The following AFF3 variants were observed in gnomAD, a reference collection of about 807,000 sequenced individuals.
AFF3 encodes the protein AF4/FMR2 family member 3.
Under a neutral mutation model 129.7 loss-of-function variants are expected in AFF3, and 32 were observed. The observed-to-expected ratio is 0.25, with a 90% CI of 0.19 to 0.33. The LOEUF (loss-of-function observed/expected upper bound fraction) is 0.33. Among genes scored for constraint, AFF3 ranks in the 10% least tolerant of loss-of-function variants. The pLI is 1.00. For synonymous variants in AFF3, 644 were observed against 635.4 expected (o/e 1.01, Z -0.20); for missense variants, 1,373 against 1,592.0 (o/e 0.86, Z 2.34).
chr2:99,750,902 T>C (rs534330624), intron 9 of AFF3, among the ~76,000 whole-genome samples: 4 of 152,198 alleles, frequency 2.6e-5, no homozygotes, highest in Non-Finnish European at 5.9e-5. Flanking sequence ...TTATGGTAAA[T>C]TTATACAAAA....
At chr2:99,940,150 G>C (rs768409835) in intron 7 of AFF3, among the ~76,000 whole-genome samples, 3 of 152,158 alleles carry the variant, frequency 2.0e-5, no homozygotes, top group Non-Finnish European at 2.9e-5. Context: ...ATGTGTGTGT[G>C]AGTGTGCACA....
At chr2:99,613,144 T>C (rs2105226693) in intron 13 of AFF3, among the ~76,000 whole-genome samples, 1 of 152,220 alleles carries the variant, frequency 6.6e-6, no homozygotes, top group East Asian at 1.9e-4. Context: ...TATTTAGGAG[T>C]TTAGGGGGTT....
At chr2:99,557,787 C>A (rs1675084825) in intron 22 of AFF3, among the ~76,000 whole-genome samples, 1 of 152,082 alleles carries the variant, frequency 6.6e-6, no homozygotes, top group Non-Finnish European at 1.5e-5. Flanking sequence ...TGAACATACC[C>A]CAGGAACCCC....
intron 7 of AFF3, among the ~76,000 whole-genome samples, chr2:99,915,518 T>C (rs895553357): frequency 6.6e-6 from 1 of 151,516 alleles, no homozygotes; most frequent in African/African-American, 2.4e-5. Context: ...GGGAGGGGAG[T>C]TCAAATCCCT....
chr2:99,691,484 G>T (rs1453557473), intron 11 of AFF3, among the ~76,000 whole-genome samples: 1 of 152,128 alleles, frequency 6.6e-6, no homozygotes, highest in Non-Finnish European at 1.5e-5. Context: ...TTCACTTGAG[G>T]CCACAAAGGA....
intron 4 of AFF3, among the ~76,000 whole-genome samples, chr2:100,051,051 G>A (rs935877750): frequency 1.3e-5 from 2 of 152,152 alleles, no homozygotes; most frequent in Non-Finnish European, 2.9e-5. Flanking sequence ...AACCTATGTC[G>A]TTTTTAGAAA....
chr2:99,738,328 GA>G (rs1180906032), intron 10 of AFF3, among the ~76,000 whole-genome samples: 2 of 150,186 alleles, frequency 1.3e-5, no homozygotes, highest in African/African-American at 2.4e-5. Context: ...TTTATACTCA[GA>G]AAAAAAAAGT....
At chr2:100,082,159 C>A (rs920904605) in intron 4 of AFF3, among the ~76,000 whole-genome samples, 12 of 152,036 alleles carry the variant, frequency 7.9e-5, no homozygotes, top group Non-Finnish European at 1.8e-4. Flanking sequence ...ATTTTCTCAT[C>A]AAAAATAATT....
intron 13 of AFF3, among the ~76,000 whole-genome samples, chr2:99,605,425 G>A (rs2105128072): frequency 6.6e-6 from 1 of 152,284 alleles, no homozygotes; most frequent in Admixed American, 6.5e-5. Flanking sequence ...AAGGGCGCTG[G>A]TAGCTCCAGT....
intron 18 of AFF3, 105 bp from the exon 19 acceptor site, chr2:99,569,020 G>T: frequency 9.3e-7 from 1 of 1,078,248 alleles, no homozygotes; most frequent in South Asian, 1.3e-5. Context: ...TAAAAACTCT[G>T]CTTAATGCGG....
intron 13 of AFF3, among the ~76,000 whole-genome samples, chr2:99,635,586 G>C (rs977906028): frequency 2.6e-5 from 4 of 152,144 alleles, no homozygotes; most frequent in Non-Finnish European, 5.9e-5. Flanking sequence ...ACAGGTGTGA[G>C]CTACCACATC....
At chr2:99,565,102 C>T (rs1675836674) in intron 20 of AFF3, among the ~76,000 whole-genome samples, 1 of 152,000 alleles carries the variant, frequency 6.6e-6, no homozygotes, top group African/African-American at 2.4e-5. Flanking sequence ...ATTAAATACT[C>T]CAGAAGTATT....
At chr2:99,778,801 A>G (rs966709128) in intron 8 of AFF3, among the ~76,000 whole-genome samples, 1 of 152,084 alleles carries the variant, frequency 6.6e-6, no homozygotes, top group East Asian at 1.9e-4. Context: ...GTGTATAGAC[A>G]CAAAACTGAT....
intron 13 of AFF3, among the ~76,000 whole-genome samples, chr2:99,614,428 T>A (rs914953483): frequency 6.6e-6 from 1 of 152,158 alleles, no homozygotes; most frequent in African/African-American, 2.4e-5. Context: ...CACAGACATA[T>A]CAGGGAGTGA....
chr2:99,893,241 C>G (rs1693702088), intron 7 of AFF3, among the ~76,000 whole-genome samples: 2 of 152,234 alleles, frequency 1.3e-5, no homozygotes, highest in Non-Finnish European at 2.9e-5. Context: ...TTCTCAGAAC[C>G]TTCCACAACA....
chr2:100,078,734 G>C (rs552281736), intron 4 of AFF3, among the ~76,000 whole-genome samples: 1 of 151,942 alleles, frequency 6.6e-6, no homozygotes, highest in Non-Finnish European at 1.5e-5. Flanking sequence ...AGGACCCCTG[G>C]GGATACCAAA....
intron 14 of AFF3, among the ~76,000 whole-genome samples, chr2:99,598,386 C>T (rs1264230490): frequency 1.3e-5 from 2 of 152,208 alleles, no homozygotes; most frequent in East Asian, 3.9e-4. Context: ...GCAGATTAGA[C>T]TCCGGTGAGA....
At chr2:100,122,859 C>A (rs1240366768) in intron 2 of AFF3, among the ~76,000 whole-genome samples, 1 of 152,144 alleles carries the variant, frequency 6.6e-6, no homozygotes, top group East Asian at 1.9e-4. Flanking sequence ...TCATTTAACC[C>A]AATGTGGATC....
chr2:100,031,968 T>G (rs1295740149), intron 4 of AFF3, among the ~76,000 whole-genome samples: 1 of 152,190 alleles, frequency 6.6e-6, no homozygotes, highest in Non-Finnish European at 1.5e-5. Flanking sequence ...AACATAATAT[T>G]GAGTGTTACA....
Sources: gnomAD v4.1 joint callset for allele counts (sites outside exome capture counted in the v4.1 genomes callset) on GRCh38, gnomAD v4.1.1 for gene constraint, MANE v1.5 for transcripts, NCBI Gene and HGNC (gene_info 2026-07-23, HGNC 2026-07-21) for gene names.